CHODL: variants seen among roughly 807,000 people sequenced by gnomAD.
The protein encoded by CHODL is transmembrane protein MT75.
CHODL carries 29 observed loss-of-function variants against 34.5 expected under a neutral mutation model. The ratio of observed to expected loss-of-function variants is 0.84; its 90% CI spans 0.63 to 1.15. The LOEUF is 1.15. CHODL is among the 50% of genes most tolerant of loss of function. CHODL has a pLI of 0.00. For synonymous variants in CHODL, 125 were observed against 116.1 expected (o/e 1.08, Z -0.49); for missense variants, 332 against 332.5 (o/e 1.00, Z 0.01).
intron 3 of CHODL, among the ~76,000 whole-genome samples, chr21:18,258,858 G>C (rs1022046852): frequency 4.0e-5 from 6 of 151,814 alleles, no homozygotes; most frequent in Non-Finnish European, 8.8e-5. Flanking sequence ...TAAATTCCTT[G>C]GTTATGTAAT....
rs952054337 is a variant in CHODL, at chr21:17,919,022, G to A, written c.-145+1622G>A. Among the ~76,000 whole-genome samples the A allele has an allele frequency of 5.9e-5, 9 of 152,354 alleles. No homozygotes were observed. In the East Asian group the frequency reaches 9.7e-4, roughly 16 times the overall value. On this transcript the variant is annotated intron_variant, in intron 1 of 6. Transcript: ENST00000400127. ...ACACCCAGGTCATGCTGATGTGAGA[G>A]GTGGGCTCCCATCCCCTTGGGCAGC...
rs192732944 is a variant in CHODL, at chr21:18,215,090, G to A, written c.-44-41419G>A. 4.6e-3 allele frequency among the ~76,000 whole-genome samples: 706 copies of A among 151,930 alleles called. 4 individuals carry two copies. The highest frequency in any genetic ancestry group is 0.016 in the African/African-American group (669 of 41,420). ...AAAGAAGGTACTTTGTTCTGTGACT[G>A]TCCATGATTGGCAGCCGTCTTGCCT... is the stretch of plus-strand genomic sequence containing the variant. On this transcript the variant is annotated intron_variant, in intron 2 of 6. Coordinates refer to the CHODL transcript ENST00000400127.
At chr21:18,071,145 C>CCTT (rs2064799492) in intron 2 of CHODL, among the ~76,000 whole-genome samples, 1 of 104,994 alleles carries the variant, frequency 9.5e-6, no homozygotes, top group Non-Finnish European at 2.1e-5. Context: ...ATAACTACAG[C>CCTT]ATTTTTTTTT....
intron 1 of CHODL, among the ~76,000 whole-genome samples, chr21:17,939,013 A>C (rs547465969): frequency 5.3e-5 from 8 of 152,312 alleles, no homozygotes; most frequent in African/African-American, 1.9e-4. Flanking sequence ...AATGGGGAGA[A>C]ATGTTTATAA....
At chr21:18,232,942 G>GATATATATATATATATATATAT (rs371388519) in intron 2 of CHODL, among the ~76,000 whole-genome samples, 21 of 119,400 alleles carry the variant, frequency 1.8e-4, no homozygotes, top group African/African-American at 6.6e-4. Context: ...ATGATGTTAT[G>GATATATATATATATATATATAT]ATATATATAT....
At chr21:18,140,268 CTTACAAAATGGGAGG>C (rs1448506473) in intron 2 of CHODL, among the ~76,000 whole-genome samples, 3 of 152,132 alleles carry the variant, frequency 2.0e-5, no homozygotes, top group Non-Finnish European at 4.4e-5. Context: ...CAACAGCTTT[CTTACAAAATGGGAGG>C]CAAACTTGAT....
intron 2 of CHODL, among the ~76,000 whole-genome samples, chr21:18,132,352 A>G (rs1394839277): frequency 1.3e-5 from 2 of 152,186 alleles, no homozygotes; most frequent in Non-Finnish European, 2.9e-5. Context: ...CATCTGATTA[A>G]GCATTTTGCA....
At chr21:18,070,025 T>TTCCCTTCCCTTCCCTTCCCTTCC (rs1555860424) in intron 2 of CHODL, among the ~76,000 whole-genome samples, 5 of 29,090 alleles carry the variant, frequency 1.7e-4, no homozygotes, top group Non-Finnish European at 5.0e-4. Flanking sequence ...TTCCCTTCCC[T>TTCCCTTCCCTTCCCTTCCCTTCC]CCCCCCCCCC....
intron 2 of CHODL, among the ~76,000 whole-genome samples, chr21:18,112,373 C>G (rs1388795967): frequency 6.6e-6 from 1 of 151,796 alleles, no homozygotes; most frequent in Non-Finnish European, 1.5e-5. Flanking sequence ...CAATCTCTAT[C>G]AAAATACCAA....
At chr21:17,960,426 G>A (rs749387199) in intron 1 of CHODL, among the ~76,000 whole-genome samples, 5 of 152,160 alleles carry the variant, frequency 3.3e-5, no homozygotes, top group Admixed American at 6.5e-5. Context: ...TCAAGGCTCT[G>A]TTGAGCACCC....
chr21:18,147,356 C>T (rs73314503), intron 2 of CHODL, among the ~76,000 whole-genome samples: 13,647 of 152,220 alleles, frequency 0.09, 783 homozygotes, highest in East Asian at 0.24. Flanking sequence ...CCTCTCCAAG[C>T]GCTGGTGGTC....
intron 2 of CHODL, among the ~76,000 whole-genome samples, chr21:18,054,329 C>T (rs796579924): frequency 4.6e-5 from 7 of 151,906 alleles, no homozygotes; most frequent in African/African-American, 1.7e-4. Flanking sequence ...TTTTTTTCTC[C>T]AATTTTTTAT....
chr21:18,260,221 T>C lies in CHODL; in HGVS notation c.569T>C (p.Val190Ala). 1 of 1,577,242 alleles carries C rather than the reference T, an allele frequency of 6.3e-7. No individual in the cohort carries two copies. The highest frequency in any genetic ancestry group is 1.2e-5 in the South Asian group (1 of 83,780). Reference sequence around the variant, plus strand: ...ACAGAGATTAATCCAACAGCCCCTGTAGAAAAGCCTTATCTTACAAATCAA... The same window carrying C: ...ACAGAGATTAATCCAACAGCCCCTGCAGAAAAGCCTTATCTTACAAATCAA... ...YEPEINPTAP[V>A]EKPYLTNQPG... Residue 190 changes from valine to alanine, a missense_variant, in exon 4 of 6, where the codon GTA (valine) becomes GCA (alanine). Val to Ala is a moderately conservative substitution (Grantham distance 64, BLOSUM62 0). Transcript: ENST00000299295.
At position 18,234,871 on chromosome 21, in the gene CHODL, A is replaced by G. The variant is rs539867670; in HGVS notation, c.-44-21638A>G. On this transcript the variant is annotated intron_variant, in intron 2 of 6. Coordinates refer to the CHODL transcript ENST00000400127. Reference sequence around the variant, plus strand: ...GTAAAATAAGTACATGTAAGCAGCTAAGTAATTTGAAAAATTAAATAGTAT... The same window carrying G: ...GTAAAATAAGTACATGTAAGCAGCTGAGTAATTTGAAAAATTAAATAGTAT... 7.9e-4 allele frequency among the ~76,000 whole-genome samples: 121 copies of G among 152,268 alleles called. 1 individual carries two copies. Among genetic ancestry groups the G allele is most frequent in the African/African-American group, 2.7e-3 (112 of 41,558 alleles).
chr21:17,924,936 C>T (rs1229167802), intron 1 of CHODL, among the ~76,000 whole-genome samples: 1 of 152,170 alleles, frequency 6.6e-6, no homozygotes, highest in Non-Finnish European at 1.5e-5. Flanking sequence ...AATGATCACT[C>T]ATTAAGCCTG....
chr21:18,032,044 C>G (rs2064253962), intron 2 of CHODL, among the ~76,000 whole-genome samples: 1 of 151,982 alleles, frequency 6.6e-6, no homozygotes, highest in Non-Finnish European at 1.5e-5. Flanking sequence ...GGAGAGTCAG[C>G]TGATAAACAG....
intron 2 of CHODL, among the ~76,000 whole-genome samples, chr21:18,064,408 C>A (rs1227026811): frequency 6.6e-6 from 1 of 152,144 alleles, no homozygotes; most frequent in Non-Finnish European, 1.5e-5. Flanking sequence ...AAAATGAATC[C>A]AAATTAAACA....
intron 1 of CHODL, among the ~76,000 whole-genome samples, chr21:17,936,346 A>G (rs1386278652): frequency 6.6e-6 from 1 of 152,180 alleles, no homozygotes; most frequent in African/African-American, 2.4e-5. Context: ...GTTTGAGAAA[A>G]TAAATCATCA....
chr21:17,985,056 T>C (rs1219899880), intron 1 of CHODL, among the ~76,000 whole-genome samples: 1 of 152,098 alleles, frequency 6.6e-6, no homozygotes, highest in Admixed American at 6.6e-5. Flanking sequence ...TGAAATTGAG[T>C]CATTTAATGT....
Sources: allele counts gnomAD v4.1 joint callset (sites outside exome capture counted in the v4.1 genomes callset), GRCh38; gene constraint gnomAD v4.1.1; transcripts MANE v1.5; gene names NCBI Gene and HGNC (gene_info 2026-07-23, HGNC 2026-07-21).